KIAA2012: variants seen among roughly 807,000 people sequenced by gnomAD.
KIAA2012 encodes the protein KIAA2012.
Under a neutral mutation model 150.6 loss-of-function variants are expected in KIAA2012, and 125 were observed. That is an observed-to-expected ratio of 0.83 (90% confidence interval 0.72 to 0.96). KIAA2012 has a LOEUF of 0.96. KIAA2012 is among the 40% of genes least tolerant of loss of function. The pLI is 0.00. For missense variants in KIAA2012, 1,219 were observed against 1,354.9 expected, an observed-to-expected ratio of 0.90 and a Z score of 1.57; for synonymous variants, 462 against 504.7, an observed-to-expected ratio of 0.92 and a Z score of 1.13.
chr2:202,135,998 A>T (rs1238960930), intron 12 of KIAA2012: 1 of 328,688 alleles, frequency 3.0e-6, no homozygotes. Flanking sequence ...AAATTTAAAA[A>T]AAAAAAAAAT....
At chr2:202,078,323 C>G (rs1477591238) in intron 2 of KIAA2012, among the ~76,000 whole-genome samples, 1 of 152,228 alleles carries the variant, frequency 6.6e-6, no homozygotes, top group Admixed American at 6.5e-5. Context: ...AGGGTTTCCT[C>G]TGTTACCCAG....
At position 202,113,351 on chromosome 2, in the gene KIAA2012, C is replaced by G; in HGVS notation, c.1667C>G (p.Pro556Arg). Residue 556 changes from proline (P) to arginine (R), a missense_variant, in exon 11 of 24, where the codon CCT (proline) becomes CGT (arginine). Pro to Arg is a moderately radical substitution (Grantham distance 103). Coordinates refer to ENST00000498697, the MANE Select transcript of KIAA2012 (RefSeq NM_001277372.4). ...TATTTTCAAGAAGATTCCAGCGACC[C>G]TACACTGGGACACTTCTTGCTGGGT... ...LPAAQEDSSD[P>R]TLGHFLLGPD... 2 of 1,550,718 alleles carry G rather than the reference C, an allele frequency of 1.3e-6. No individual in the cohort carries two copies. The highest frequency in any genetic ancestry group is 1.2e-5 in the South Asian group (1 of 84,048).
chr2:202,133,511 G>A (rs1056373842), intron 12 of KIAA2012, among the ~76,000 whole-genome samples: 4 of 152,114 alleles, frequency 2.6e-5, no homozygotes, highest in Non-Finnish European at 5.9e-5. Context: ...TAAAAGGACT[G>A]TTATCCCAAA....
intron 13 of KIAA2012, among the ~76,000 whole-genome samples, chr2:202,150,648 G>C (rs376237205): frequency 1.4e-4 from 21 of 151,996 alleles, no homozygotes; most frequent in East Asian, 5.8e-4. Flanking sequence ...GGGTTTTGCT[G>C]TGTTGGCCAG....
intron 15 of KIAA2012, among the ~76,000 whole-genome samples, chr2:202,172,150 C>T (rs1691907129): frequency 6.6e-6 from 1 of 152,224 alleles, no homozygotes; most frequent in African/African-American, 2.4e-5. Flanking sequence ...TGAAGCAAGA[C>T]GTAATGCTAG....
chr2:202,167,329 A>C (rs2105724963), intron 15 of KIAA2012, among the ~76,000 whole-genome samples: 1 of 152,336 alleles, frequency 6.6e-6, no homozygotes, highest in African/African-American at 2.4e-5. Flanking sequence ...ATTAAACTAA[A>C]GATTTCTAGG....
chr2:202,120,365 G>T (rs147666524), intron 11 of KIAA2012, among the ~76,000 whole-genome samples: 1 of 152,104 alleles, frequency 6.6e-6, no homozygotes, highest in Non-Finnish European at 1.5e-5. Flanking sequence ...AATAGAGTGA[G>T]ACCTTGTCTC....
intron 11 of KIAA2012, among the ~76,000 whole-genome samples, chr2:202,123,055 G>T (rs1478888101): frequency 6.6e-6 from 1 of 152,172 alleles, no homozygotes; most frequent in East Asian, 1.9e-4. Context: ...GTGCAGTGTG[G>T]CTGTTTTCTG....
intron 2 of KIAA2012, among the ~76,000 whole-genome samples, chr2:202,078,412 C>T (rs1184425295): frequency 6.6e-6 from 1 of 152,178 alleles, no homozygotes; most frequent in African/African-American, 2.4e-5. Flanking sequence ...TCTCAGCCTC[C>T]CCAGTAGCTG....
intron 12 of KIAA2012, among the ~76,000 whole-genome samples, chr2:202,127,101 G>A (rs1293004208): frequency 8.3e-6 from 1 of 120,938 alleles, no homozygotes; most frequent in Non-Finnish European, 1.7e-5. Context: ...ATAGGGAGAA[G>A]AGGAGAAGCT....
In KIAA2012 at chr2:202,093,173, T is replaced by A. The variant is rs141910489; in HGVS notation, c.673T>A (p.Ser225Thr). ...FPSFWIQQGK[S>T]FEQRQQGLDE... The stretch of plus-strand genomic sequence containing the variant: ...TTCATTTTGGATTCAACAAGGAAAA[T>A]CTTTTGAACAACGTACGTGTTGATT... Residue 225 changes from serine (S) to threonine (T), a missense_variant, in exon 4 of 24, where the codon TCT becomes ACT. Ser to Thr is a moderately conservative substitution (Grantham distance 58, BLOSUM62 1). Coordinates refer to ENST00000498697, the MANE Select transcript of KIAA2012 (RefSeq NM_001277372.4). The A allele has an allele frequency of 3.9e-4, 601 of 1,551,130 alleles. 6 individuals are homozygous for A. The African/African-American group carries it at 6.9e-3, about 18-fold the overall frequency.
intron 15 of KIAA2012, 31 bp downstream of exon 15, chr2:202,165,387 TTA>T: frequency 6.5e-7 from 1 of 1,532,678 alleles, no homozygotes; most frequent in Non-Finnish European, 8.8e-7. Context: ...CTTTATAATC[TTA>T]TAGCCATAAC....
At chr2:202,077,661 A>G (rs982013456) in intron 2 of KIAA2012, among the ~76,000 whole-genome samples, 4 of 152,120 alleles carry the variant, frequency 2.6e-5, no homozygotes, top group Non-Finnish European at 5.9e-5. Context: ...AGCAACTCAA[A>G]AGGGACTTCG....
intron 22 of KIAA2012, chr2:202,201,747 T>A: frequency 7.1e-7 from 1 of 1,408,778 alleles, no homozygotes; most frequent in Non-Finnish European, 1.0e-6. Context: ...AAAGCTTGGA[T>A]GATAGAGCTC....
At chr2:202,142,474 C>T (rs897285619) in intron 13 of KIAA2012, among the ~76,000 whole-genome samples, 3 of 152,168 alleles carry the variant, frequency 2.0e-5, no homozygotes, top group African/African-American at 7.2e-5. Context: ...AAGAGTGTAA[C>T]ATCAGAGAAA....
intron 14 of KIAA2012, among the ~76,000 whole-genome samples, chr2:202,157,864 C>T (rs1224436185): frequency 2.0e-5 from 3 of 152,206 alleles, no homozygotes; most frequent in African/African-American, 7.2e-5. Flanking sequence ...AATTCCATTC[C>T]TATGGACACA....
chr2:202,186,912 G>C (rs1268346286), intron 16 of KIAA2012, 21 bp from the exon 17 acceptor site: 1 of 1,547,054 alleles, frequency 6.5e-7, no homozygotes, highest in East Asian at 2.4e-5. Flanking sequence ...GTTTGGTCCT[G>C]TTGGTTTGCT....
rs562304574 is a variant in KIAA2012 at position 202,122,794 on chromosome 2, G to GC, written c.1763-2419dup. On this transcript the variant is annotated intron_variant, in intron 11 of 23. Coordinates refer to ENST00000498697, the MANE Select transcript of KIAA2012 (RefSeq NM_001277372.4). ...GCTGGGATTACAGGCGTGAGCCACA[G>GC]CGCCCAGCCCAAATTATCTTTATTC... Among the ~76,000 whole-genome samples the GC allele has an allele frequency of 1.3e-4, 20 of 152,264 alleles. 1 individual carries two copies. The South Asian group carries it at 4.1e-3, about 32-fold the overall frequency.
At chr2:202,090,967 GC>G (rs1348392405) in intron 3 of KIAA2012, 38 bp downstream of exon 3, 3 of 1,513,048 alleles carry the variant, frequency 2.0e-6, no homozygotes, top group Admixed American at 4.1e-5. Context: ...ACCCCAAACT[GC>G]CCCACCTCCC....
Sources: gnomAD v4.1 joint callset for allele counts (sites outside exome capture counted in the v4.1 genomes callset) on GRCh38, gnomAD v4.1.1 for gene constraint, MANE v1.5 for transcripts, NCBI Gene and HGNC (gene_info 2026-07-23, HGNC 2026-07-21) for gene names.